Variants in LARS2 observed in about 807,000 individuals in gnomAD.
The protein encoded by LARS2 is leucine--tRNA ligase, mitochondrial.
In LARS2, 81 loss-of-function variants were observed where a neutral mutation model predicts 116.6. That is an observed-to-expected ratio of 0.69 (90% CI 0.58 to 0.84). LARS2 has a LOEUF of 0.84. LARS2 is among the 40% of genes least tolerant of loss of function. LARS2 has a pLI of 0.00. For synonymous variants in LARS2, 396 were observed against 407.2 expected (o/e 0.97, Z 0.33); for missense variants, 968 against 1,114.5 (o/e 0.87, Z 1.87).
At chr3:45,404,508 G>A (rs530908625) in intron 4 of LARS2, among the ~76,000 whole-genome samples, 1 of 152,304 alleles carries the variant, frequency 6.6e-6, no homozygotes, top group South Asian at 2.1e-4. Context: ...TTGGACTCAA[G>A]TTTAACGATC....
At chr3:45,391,672 T>C (rs941935890) in intron 2 of LARS2, 24 bp downstream of exon 2, 2 of 152,216 alleles carry the variant, frequency 1.3e-5, no homozygotes, top group Non-Finnish European at 2.9e-5. Flanking sequence ...TTTAAGTTTT[T>C]CTCTTATTTG....
At position 45,548,444 on chromosome 3, in the gene LARS2, A is replaced by G. The variant is rs1700906193; in HGVS notation, c.*914A>G. ...GTGGGCCCCAGATGGCAATGCCACC[A>G]TTGTTGATGTGACTCCAGAGCCAGT... On this transcript the variant is annotated 3_prime_UTR_variant, in exon 22 of 22. Transcript: ENST00000645846. 6.6e-6 allele frequency: 1 copy of G among 152,262 alleles called. No homozygotes were observed. Among genetic ancestry groups the G allele is most frequent in the Admixed American group, 6.5e-5 (1 of 15,282 alleles). 9.4% of individuals were successfully genotyped at this position (152,262 alleles called of 1,614,324 possible).
chr3:45,489,440 C>T (rs114246517), intron 12 of LARS2, among the ~76,000 whole-genome samples: 1,648 of 151,752 alleles, frequency 0.011, 27 homozygotes, highest in African/African-American at 0.038. Context: ...GCCTGGCCCC[C>T]ACCCCCACCC....
chr3:45,535,604 C>T (rs1700690519), intron 20 of LARS2, among the ~76,000 whole-genome samples: 1 of 152,088 alleles, frequency 6.6e-6, no homozygotes, highest in Admixed American at 6.5e-5. Flanking sequence ...AGAACATATT[C>T]ATGGTTGCCA....
At chr3:45,528,587 C>A (rs1395130463) in intron 20 of LARS2, among the ~76,000 whole-genome samples, 1 of 152,126 alleles carries the variant, frequency 6.6e-6, no homozygotes, top group Non-Finnish European at 1.5e-5. Context: ...TTAGTCAATC[C>A]CACACCCACT....
intron 2 of LARS2, among the ~76,000 whole-genome samples, chr3:45,391,884 G>A (rs190620375): frequency 4.5e-4 from 68 of 152,318 alleles, no homozygotes; most frequent in Non-Finnish European, 6.3e-4. Context: ...TGTAGGCAGA[G>A]CAGTTCAAGT....
chr3:45,464,639 C>T (rs1030348361), intron 8 of LARS2, among the ~76,000 whole-genome samples: 5 of 152,184 alleles, frequency 3.3e-5, no homozygotes, highest in Admixed American at 6.5e-5. Context: ...TGCCCTCTGA[C>T]CTCAAGAAAG....
chr3:45,434,772 G>A (rs1698772928), intron 6 of LARS2, among the ~76,000 whole-genome samples: 1 of 152,008 alleles, frequency 6.6e-6, no homozygotes, highest in Non-Finnish European at 1.5e-5. Context: ...ACTTCCAGGT[G>A]GATATGGAGT....
At chr3:45,499,813 C>T (rs899950443) in intron 14 of LARS2, among the ~76,000 whole-genome samples, 1 of 152,034 alleles carries the variant, frequency 6.6e-6, no homozygotes, top group African/African-American at 2.4e-5. Context: ...TAGCAAGATG[C>T]CTTTTTTTGC....
intron 12 of LARS2, among the ~76,000 whole-genome samples, chr3:45,490,018 A>G (rs980956898): frequency 1.3e-5 from 2 of 152,200 alleles, no homozygotes; most frequent in Non-Finnish European, 2.9e-5. Context: ...CTATCTGGCT[A>G]TATTTATATC....
At chr3:45,446,070 G>C (rs1372915885) in intron 6 of LARS2, among the ~76,000 whole-genome samples, 1 of 152,110 alleles carries the variant, frequency 6.6e-6, no homozygotes, top group African/African-American at 2.4e-5. Context: ...CAAGACTTCT[G>C]TCTCTTAAAA....
At chr3:45,443,846 A>G (rs1169848661) in intron 6 of LARS2, among the ~76,000 whole-genome samples, 8 of 152,104 alleles carry the variant, frequency 5.3e-5, no homozygotes, top group Non-Finnish European at 1.0e-4. Context: ...TCCAAATTTG[A>G]AGCCAGGGTG....
chr3:45,493,958 T>C lies in LARS2; in HGVS notation c.1523+2158T>C, dbSNP rs1353211906. Among the ~76,000 whole-genome samples, 3 of 152,176 alleles carry C rather than the reference T, an allele frequency of 2.0e-5. No individual in the cohort carries two copies. In the East Asian group the frequency reaches 5.8e-4, roughly 29 times the overall value. Reference sequence around the variant, plus strand: ...GGTAAGTGAGGAAGATGAAGTAATCTTTATTTTCTAATTATTTCCCAAAGT... The same window carrying C: ...GGTAAGTGAGGAAGATGAAGTAATCCTTATTTTCTAATTATTTCCCAAAGT... On this transcript the variant is annotated intron_variant, in intron 13 of 21. Transcript: ENST00000645846.
At chr3:45,485,671 G>C (rs755207435) in intron 10 of LARS2, 21 bp from the exon 11 acceptor site, 21 of 1,438,604 alleles carry the variant, frequency 1.5e-5, no homozygotes, top group Non-Finnish European at 1.9e-5. Context: ...GGCATCCACA[G>C]TTATTTGCTC....
At chr3:45,427,164 G>C (rs1698607947) in intron 6 of LARS2, among the ~76,000 whole-genome samples, 1 of 152,176 alleles carries the variant, frequency 6.6e-6, no homozygotes, top group African/African-American at 2.4e-5. Context: ...ACATCAGCCA[G>C]GTACAACATT....
intron 6 of LARS2, among the ~76,000 whole-genome samples, chr3:45,428,051 C>T (rs901297871): frequency 4.0e-5 from 6 of 151,710 alleles, no homozygotes; most frequent in African/African-American, 1.5e-4. Flanking sequence ...AAACTCCTGA[C>T]CTCAAGTGAT....
At chr3:45,522,893 A>T (rs202180966) in intron 19 of LARS2, among the ~76,000 whole-genome samples, 2 of 6,720 alleles carry the variant, frequency 3.0e-4, no homozygotes, top group African/African-American at 3.1e-4. Context: ...ATCTCTATTT[A>T]AAAAAAAAAT....
chr3:45,423,727 G>A (rs963648825), intron 6 of LARS2, among the ~76,000 whole-genome samples: 1 of 152,006 alleles, frequency 6.6e-6, no homozygotes, highest in Non-Finnish European at 1.5e-5. Flanking sequence ...AAGGACAACC[G>A]TTCATTTAAA....
chr3:45,406,752 G>A (rs1165766945), intron 4 of LARS2, among the ~76,000 whole-genome samples: 3 of 152,120 alleles, frequency 2.0e-5, no homozygotes, highest in African/African-American at 7.2e-5. Flanking sequence ...GAGTCCTGAG[G>A]TTTGGATGTT....
Sources: allele counts gnomAD v4.1 joint callset (sites outside exome capture counted in the v4.1 genomes callset), GRCh38; gene constraint gnomAD v4.1.1; transcripts MANE v1.5; gene names NCBI Gene and HGNC (gene_info 2026-07-23, HGNC 2026-07-21).